The following ESR1 variants were observed in gnomAD, a reference collection of about 807,000 sequenced individuals.
ESR1 encodes estrogen receptor.
Under a neutral mutation model 52.7 loss-of-function variants are expected in ESR1, and 12 were observed. The ratio of observed to expected loss-of-function variants is 0.23; its 90% CI spans 0.15 to 0.37. The LOEUF (loss-of-function observed/expected upper bound fraction) is 0.37. Among genes scored for constraint, ESR1 ranks in the 10% least tolerant of loss-of-function variants. ESR1 has a pLI of 1.00. For missense variants in ESR1, 584 were observed against 779.7 expected (o/e 0.75, Z 2.99); for synonymous variants, 305 against 316.8 (o/e 0.96, Z 0.39).
At chr6:151,975,426 A>C (rs2039348448) in intron 4 of ESR1, among the ~76,000 whole-genome samples, 1 of 152,130 alleles carries the variant, frequency 6.6e-6, no homozygotes, top group Non-Finnish European at 1.5e-5. Context: ...CTGGAGAAAC[A>C]GAACCAGTAG....
rs781018265 is a variant in ESR1 at position 152,098,911 on chromosome 6, C to G, written c.1733C>G (p.Ser578Cys). The G allele has an allele frequency of 6.2e-7, 1 of 1,614,214 alleles. No individual in the cohort carries two copies. The highest frequency in any genetic ancestry group is 1.3e-5 in the African/African-American group (1 of 75,060). Residue 578 changes from serine (S) to cysteine (C), a missense_variant, in exon 8 of 8, where the codon TCC becomes TGC. This residue lies in a region of ESR1 where 71 missense variants were observed against 66.1 expected (regional missense o/e 1.07). Coordinates refer to ENST00000206249, the MANE Select transcript of ESR1 (RefSeq NM_000125.4). The surrounding 1 kb of genome is among the most constrained non-coding windows in gnomAD (Gnocchi z 5.1). ...ACTGCGGGCTCTACTTCATCGCATT[C>G]CTTGCAAAAGTATTACATCACGGGG... ...LATAGSTSSH[S>C]LQKYYITGEA... is the part of the protein sequence containing the mutation.
intron 6 of ESR1, among the ~76,000 whole-genome samples, chr6:152,114,258 C>T (rs1159327443): frequency 6.6e-6 from 1 of 152,168 alleles, no homozygotes; most frequent in Non-Finnish European, 1.5e-5. Flanking sequence ...CCTCCCCGCC[C>T]CATCATTTCT....
chr6:151,707,247 C>T (rs183620172), intron 2 of ESR1, among the ~76,000 whole-genome samples: 161 of 152,230 alleles, frequency 1.1e-3, no homozygotes, highest in Non-Finnish European at 1.7e-3. Flanking sequence ...AGCATAAAGA[C>T]ATACATAAAA....
At chr6:151,800,404 C>CT (rs772502168), upstream of ESR1, among the ~76,000 whole-genome samples, 4 of 152,118 alleles carry the variant, frequency 2.6e-5, no homozygotes, top group Non-Finnish European at 5.9e-5. Flanking sequence ...TTTGGGATGC[C>CT]TGCTGTTGAC....
At chr6:151,878,109 C>T (rs1192043213) in intron 2 of ESR1, among the ~76,000 whole-genome samples, 1 of 152,186 alleles carries the variant, frequency 6.6e-6, no homozygotes, top group East Asian at 1.9e-4. Context: ...GCTGCCACAC[C>T]TGGCCATATA....
At chr6:151,972,431 G>T (rs2039005407) in intron 4 of ESR1, among the ~76,000 whole-genome samples, 1 of 152,154 alleles carries the variant, frequency 6.6e-6, no homozygotes, top group South Asian at 2.1e-4. Flanking sequence ...GAATCCAACA[G>T]CATATCAGAA....
At chr6:151,685,291 G>C (rs71575904) in intron 1 of ESR1, among the ~76,000 whole-genome samples, 3 of 150,938 alleles carry the variant, frequency 2.0e-5, no homozygotes, top group Admixed American at 6.6e-5. Context: ...CCGCCACCGC[G>C]CCCGGCTAAT....
Position 151,736,375 on chromosome 6 carries a change from G to GTTTTTTTTTTTTT in ESR1, c.-71+34373_-71+34385dup, listed in dbSNP as rs10624912. On this transcript the variant is annotated intron_variant, in intron 2 of 2. Coordinates refer to the ESR1 transcript ENST00000404742. Reference sequence around the variant, plus strand: ...AAATACTTACTGTATTCCAGGTAGTGTTTTTTTTTTTTTTTGAGATGGAGT... The same window carrying GTTTTTTTTTTTTT: ...AAATACTTACTGTATTCCAGGTAGTGTTTTTTTTTTTTTTTTTTTTTTTTTTTTGAGATGGAGT... 3.8e-4 allele frequency among the ~76,000 whole-genome samples: 43 copies of GTTTTTTTTTTTTT among 112,660 alleles called. 4 individuals carry two copies. The highest frequency in any genetic ancestry group is 5.5e-4 in the Admixed American group (6 of 10,930). 73.9% of individuals were successfully genotyped at this position (112,660 alleles called of 152,430 possible).
chr6:151,752,637 C>T (rs1213034843), intron 2 of ESR1, among the ~76,000 whole-genome samples: 5 of 152,016 alleles, frequency 3.3e-5, no homozygotes, highest in South Asian at 4.1e-4. Context: ...GTCAAATTCA[C>T]CACAATGGAA....
chr6:151,819,236 T>C (rs1442454487), intron 1 of ESR1, among the ~76,000 whole-genome samples: 2 of 152,224 alleles, frequency 1.3e-5, no homozygotes, highest in South Asian at 2.1e-4. Context: ...CCGGTACCTT[T>C]ACTGTAATCA....
chr6:151,891,225 T>C (rs973698185), intron 3 of ESR1, among the ~76,000 whole-genome samples: 3 of 152,226 alleles, frequency 2.0e-5, no homozygotes, highest in African/African-American at 7.2e-5. Flanking sequence ...TATCTTTATG[T>C]ACCTTTTCAG....
intron 1 of ESR1, among the ~76,000 whole-genome samples, chr6:151,678,386 T>A (rs1778328298): frequency 6.6e-6 from 1 of 150,996 alleles, no homozygotes; most frequent in South Asian, 2.1e-4. Context: ...GGCAGGCAAA[T>A]CTCTTGAACC....
intron 1 of ESR1, among the ~76,000 whole-genome samples, chr6:151,668,058 T>G (rs992811768): frequency 2.6e-5 from 4 of 152,188 alleles, no homozygotes; most frequent in African/African-American, 9.6e-5. Flanking sequence ...GTGAGTGTCT[T>G]AGTCTATTCT....
At chr6:152,113,433 C>T (rs1449061417) in intron 6 of ESR1, among the ~76,000 whole-genome samples, 2 of 152,092 alleles carry the variant, frequency 1.3e-5, no homozygotes, top group Admixed American at 1.3e-4. Context: ...GGGAGGGAGT[C>T]TTTCCATTCC....
chr6:151,678,011 T>C (rs1195892104), intron 1 of ESR1, among the ~76,000 whole-genome samples: 1 of 152,108 alleles, frequency 6.6e-6, no homozygotes. Flanking sequence ...TGTATACACA[T>C]GGTGGCCTGA....
chr6:151,677,182 A>G (rs1778281759), intron 1 of ESR1, among the ~76,000 whole-genome samples: 1 of 152,158 alleles, frequency 6.6e-6, no homozygotes, highest in Non-Finnish European at 1.5e-5. Flanking sequence ...ACATCAAACT[A>G]AGACTCTGAT....
chr6:151,899,380 C>T (rs1165863130), intron 3 of ESR1, among the ~76,000 whole-genome samples: 24 of 121,694 alleles, frequency 2.0e-4, no homozygotes, highest in Non-Finnish European at 3.2e-4. Context: ...CCGGACGGGG[C>T]GGCTGGCCGG....
In ESR1 at chr6:152,102,464, G is replaced by T. The variant is rs1373347896; in HGVS notation, c.*3498G>T. The T allele has an allele frequency of 9.6e-6, 2 of 208,654 alleles. No individual in the cohort carries two copies. The highest frequency in any genetic ancestry group is 2.0e-5 in the Non-Finnish European group (2 of 102,492). 12.9% of individuals were successfully genotyped at this position (208,654 alleles called of 1,614,324 possible). ...GAAAGGCAAATAGAGTCATACAGTA[G>T]CTCAAAAGGCAACCATAATTCTCTT... On this transcript the variant is annotated 3_prime_UTR_variant, in exon 8 of 8. Coordinates refer to ENST00000206249, the MANE Select transcript of ESR1 (RefSeq NM_000125.4).
chr6:151,869,907 C>A (rs35409812), intron 2 of ESR1, among the ~76,000 whole-genome samples: 79 of 152,178 alleles, frequency 5.2e-4, no homozygotes, highest in Non-Finnish European at 9.0e-4. Context: ...ATTTGGGATG[C>A]ATTATTAAGG....
Sources: allele counts gnomAD v4.1 joint callset (sites outside exome capture counted in the v4.1 genomes callset), GRCh38; gene constraint gnomAD v4.1.1; regional missense constraint gnomAD v4.1.1; non-coding constraint Gnocchi (gnomAD v3.1); transcripts MANE v1.5; gene names NCBI Gene and HGNC (gene_info 2026-07-23, HGNC 2026-07-21).